The following IQCM variants were observed in gnomAD, a reference collection of about 807,000 sequenced individuals.
The protein encoded by IQCM is IQ domain-containing protein M.
A neutral mutation model predicts 57.6 loss-of-function variants in IQCM; 45 were observed. That is an observed-to-expected ratio of 0.78 (90% CI 0.62 to 1.00). The LOEUF (loss-of-function observed/expected upper bound fraction) is 1.00, where lower values mean the gene tolerates loss of function less well. IQCM is among the 50% of genes least tolerant of loss of function. The pLI, the probability that IQCM is intolerant of heterozygous loss-of-function variation, is 0.00. For missense variants in IQCM, 468 were observed against 511.6 expected (o/e 0.91, Z 0.82); for synonymous variants, 148 against 158.9 (o/e 0.93, Z 0.51).
intron 12 of IQCM, among the ~76,000 whole-genome samples, chr4:149,465,742 T>A (rs1241230462): frequency 2.0e-5 from 3 of 147,738 alleles, no homozygotes; most frequent in Non-Finnish European, 3.0e-5. Flanking sequence ...AAAAAAAAAG[T>A]TTTTTTTTTG....
chr4:149,689,195 G>T lies in IQCM; in HGVS notation c.386-2727C>A, dbSNP rs759119603. Among the ~76,000 whole-genome samples, 4 of 152,202 alleles carry T rather than the reference G, an allele frequency of 2.6e-5. No homozygotes were observed. In the South Asian group the frequency reaches 8.3e-4, roughly 32 times the overall value. On this transcript the variant is annotated intron_variant, in intron 5 of 13. Transcript: ENST00000636793. ...CAGTGATAGACTGGATAAAGAATGT[G>T]TGGTACATATACACCATGGAATACT...
chr4:149,490,980 G>T (rs1742031337), intron 12 of IQCM, among the ~76,000 whole-genome samples: 1 of 152,046 alleles, frequency 6.6e-6, no homozygotes, highest in Non-Finnish European at 1.5e-5. Context: ...TTTCCTATGG[G>T]ACTCGCCTGG....
chr4:149,582,920 GA>G (rs77311049), intron 9 of IQCM, among the ~76,000 whole-genome samples: 32,188 of 147,264 alleles, frequency 0.22, 4,298 homozygotes, highest in Non-Finnish European at 0.29. Context: ...TCTCTTTCAG[GA>G]AAAAAAAAAT....
chr4:149,557,862 T>C (rs909331423), intron 10 of IQCM, among the ~76,000 whole-genome samples: 1 of 152,242 alleles, frequency 6.6e-6, no homozygotes, highest in African/African-American at 2.4e-5. Context: ...TACTGGCTTC[T>C]TCCAATGAGC....
intron 9 of IQCM, among the ~76,000 whole-genome samples, chr4:149,572,891 AT>A (rs1325184480): frequency 6.6e-6 from 1 of 152,022 alleles, no homozygotes; most frequent in Non-Finnish European, 1.5e-5. Flanking sequence ...TTCCAACATT[AT>A]TCTCAATTGC....
intron 5 of IQCM, among the ~76,000 whole-genome samples, chr4:149,703,933 G>C (rs1010025657): frequency 1.4e-4 from 21 of 151,790 alleles, no homozygotes; most frequent in African/African-American, 5.1e-4. Context: ...TCACTGCTCC[G>C]TATACTAAGA....
chr4:149,636,957 C>A (rs943030550), intron 7 of IQCM, among the ~76,000 whole-genome samples: 2 of 151,056 alleles, frequency 1.3e-5, no homozygotes, highest in African/African-American at 2.4e-5. Flanking sequence ...TCCTGGCTAA[C>A]AAGGTGAAAC....
intron 13 of IQCM, among the ~76,000 whole-genome samples, chr4:149,422,850 T>C (rs183940165): frequency 6.6e-6 from 1 of 152,146 alleles, no homozygotes; most frequent in East Asian, 1.9e-4. Flanking sequence ...TAGTTATAAA[T>C]AGTTTTATAA....
rs545507503 is a variant in IQCM, at chr4:149,540,841, T to A, written c.1228+7614A>T. On this transcript the variant is annotated intron_variant, in intron 12 of 13. Coordinates refer to ENST00000636793, the MANE Select transcript of IQCM (RefSeq NM_001363507.2). ...CATAAAGTTGCCAGTGTTCTTCATTTCACCTTTTATTTTTAGGGTGTATTT... is the reference window on the plus strand; with the variant it reads ...CATAAAGTTGCCAGTGTTCTTCATTACACCTTTTATTTTTAGGGTGTATTT... Among the ~76,000 whole-genome samples, 73 of 152,252 alleles carry A rather than the reference T, an allele frequency of 4.8e-4. 1 individual carries two copies. The South Asian group carries it at 0.015, about 32-fold the overall frequency.
intron 12 of IQCM, among the ~76,000 whole-genome samples, chr4:149,512,751 C>CA (rs375837459): frequency 1.3e-4 from 20 of 151,464 alleles, no homozygotes; most frequent in East Asian, 7.7e-4. Context: ...ATATGTGTTT[C>CA]AAAAAAAATA....
intron 12 of IQCM, among the ~76,000 whole-genome samples, chr4:149,487,986 G>A (rs548371821): frequency 6.6e-6 from 1 of 152,108 alleles, no homozygotes; most frequent in Admixed American, 6.6e-5. Context: ...TTCCAGCAGG[G>A]GGTTAGGGGG....
intron 12 of IQCM, among the ~76,000 whole-genome samples, chr4:149,490,833 G>A (rs773368816): frequency 1.3e-5 from 2 of 152,022 alleles, no homozygotes; most frequent in Admixed American, 6.6e-5. Context: ...CCTTGGTAAC[G>A]CTAATCACAA....
intron 13 of IQCM, among the ~76,000 whole-genome samples, chr4:149,397,777 T>A (rs1732333257): frequency 6.6e-6 from 1 of 152,026 alleles, no homozygotes; most frequent in South Asian, 2.1e-4. Context: ...TTTCTTTTTC[T>A]TATTTTGCTA....
At chr4:149,359,255 A>G (rs986024692) in intron 13 of IQCM, among the ~76,000 whole-genome samples, 1 of 152,208 alleles carries the variant, frequency 6.6e-6, no homozygotes, top group African/African-American at 2.4e-5. Context: ...TTATTAACCC[A>G]TAGTGTGTTA....
At chr4:149,358,415 G>A (rs1729169183) in intron 13 of IQCM, among the ~76,000 whole-genome samples, 1 of 152,126 alleles carries the variant, frequency 6.6e-6, no homozygotes, top group South Asian at 2.1e-4. Flanking sequence ...ACACTGCTTT[G>A]AATGTGTCCC....
intron 8 of IQCM, among the ~76,000 whole-genome samples, chr4:149,596,983 T>C (rs1753834879): frequency 6.6e-6 from 1 of 152,070 alleles, no homozygotes; most frequent in African/African-American, 2.4e-5. Context: ...AGAACCTACA[T>C]ATTCAGAACC....
chr4:149,625,025 CAATT>C (rs1756677270), intron 7 of IQCM, among the ~76,000 whole-genome samples: 2 of 152,100 alleles, frequency 1.3e-5, no homozygotes, highest in Admixed American at 6.6e-5. Context: ...TAATTACAAA[CAATT>C]AATAGTTAGG....
chr4:149,577,268 C>A (rs1751747564), intron 9 of IQCM, among the ~76,000 whole-genome samples: 1 of 151,902 alleles, frequency 6.6e-6, no homozygotes, highest in African/African-American at 2.4e-5. Flanking sequence ...GTTTTTGCAG[C>A]AATTGCTTTT....
At chr4:149,603,905 C>T (rs1269590663) in intron 8 of IQCM, among the ~76,000 whole-genome samples, 1 of 152,036 alleles carries the variant, frequency 6.6e-6, no homozygotes, top group Non-Finnish European at 1.5e-5. Context: ...TATATGCACA[C>T]CTGTGACATG....
Sources: allele counts gnomAD v4.1 joint callset (sites outside exome capture counted in the v4.1 genomes callset), GRCh38; gene constraint gnomAD v4.1.1; transcripts MANE v1.5; gene names NCBI Gene and HGNC (gene_info 2026-07-23, HGNC 2026-07-21).